JARID2: variants seen among roughly 807,000 people sequenced by gnomAD.
The protein encoded by JARID2 is jumonji and AT-rich interaction domain containing 2, also known as protein Jumonji.
In JARID2, 21 loss-of-function variants were observed where a neutral mutation model predicts 125.6. The ratio of observed to expected loss-of-function variants is 0.17; its 90% CI spans 0.12 to 0.24. The LOEUF (loss-of-function observed/expected upper bound fraction) is 0.24, where lower values mean the gene tolerates loss of function less well. Among genes scored for constraint, JARID2 ranks in the 10% least tolerant of loss-of-function variants. The pLI is 1.00. For synonymous variants in JARID2, 736 were observed against 661.6 expected (o/e 1.11, Z -1.73); for missense variants, 1,303 against 1,639.6 (o/e 0.79, Z 3.55).
chr6:15,377,365 C>G (rs973701425), intron 2 of JARID2, among the ~76,000 whole-genome samples: 3 of 152,154 alleles, frequency 2.0e-5, no homozygotes, highest in Admixed American at 1.3e-4. Context: ...CCCCATGATT[C>G]AATTACCTCC....
intron 2 of JARID2, among the ~76,000 whole-genome samples, chr6:15,393,256 G>T (rs1005575041): frequency 7.9e-5 from 12 of 152,200 alleles, no homozygotes; most frequent in African/African-American, 2.7e-4. Context: ...GGCAATGTTA[G>T]AATATGTTTG....
chr6:15,404,059 C>G (rs1278521240), intron 2 of JARID2, among the ~76,000 whole-genome samples: 1 of 152,182 alleles, frequency 6.6e-6, no homozygotes, highest in African/African-American at 2.4e-5. Context: ...AGGTATGAAA[C>G]CACTTTCATT....
At chr6:15,468,277 G>GT (rs987227263) in intron 4 of JARID2, among the ~76,000 whole-genome samples, 5 of 144,882 alleles carry the variant, frequency 3.5e-5, no homozygotes, top group East Asian at 4.1e-4. Flanking sequence ...GGAGGTGTTT[G>GT]TTTTTTTTCT....
chr6:15,502,188 C>T (rs1355819481), intron 8 of JARID2, among the ~76,000 whole-genome samples: 1 of 152,252 alleles, frequency 6.6e-6, no homozygotes, highest in Non-Finnish European at 1.5e-5. Context: ...GAGACTCGCC[C>T]CTCCAAGAAG....
chr6:15,442,593 C>T (rs1210712926), intron 3 of JARID2, among the ~76,000 whole-genome samples: 1 of 152,188 alleles, frequency 6.6e-6, no homozygotes, highest in Admixed American at 6.5e-5. Flanking sequence ...GGAGTTGTAT[C>T]CCTCATAACA....
chr6:15,423,984 G>C (rs1322370731), intron 3 of JARID2, among the ~76,000 whole-genome samples: 1 of 152,072 alleles, frequency 6.6e-6, no homozygotes, highest in East Asian at 1.9e-4. Flanking sequence ...CCTTTCTCTA[G>C]TGGTCAGGCT....
At chr6:15,328,975 C>G (rs1483048376) in intron 1 of JARID2, among the ~76,000 whole-genome samples, 1 of 152,156 alleles carries the variant, frequency 6.6e-6, no homozygotes, top group Non-Finnish European at 1.5e-5. Flanking sequence ...CCAGAGAGAT[C>G]TTCAAATGTA....
chr6:15,317,914 T>G (rs1762230334), intron 1 of JARID2, among the ~76,000 whole-genome samples: 1 of 152,218 alleles, frequency 6.6e-6, no homozygotes, highest in African/African-American at 2.4e-5. Context: ...CTGTGTTTGT[T>G]GCTGGCCAGC....
At chr6:15,374,341 T>C (rs1764273386) in intron 2 of JARID2, 89 bp downstream of exon 2, 2 of 1,414,238 alleles carry the variant, frequency 1.4e-6, no homozygotes, top group African/African-American at 2.8e-5. Flanking sequence ...TGGCAGCTTG[T>C]GCTTCCTGGT....
At chr6:15,342,374 A>T (rs568417793) in intron 1 of JARID2, among the ~76,000 whole-genome samples, 2 of 152,284 alleles carry the variant, frequency 1.3e-5, no homozygotes, top group African/African-American at 4.8e-5. Context: ...CAAGGGTGGA[A>T]ACCTGGGGCA....
At chr6:15,247,581 C>T in intron 1 of JARID2, 1 of 983,136 alleles carries the variant, frequency 1.0e-6, no homozygotes, top group Non-Finnish European at 1.2e-6. Context: ...AGGAATAATG[C>T]AACGTAAGAG....
chr6:15,263,750 G>A (rs573918659), intron 1 of JARID2, among the ~76,000 whole-genome samples: 2 of 152,120 alleles, frequency 1.3e-5, no homozygotes, highest in South Asian at 2.1e-4. Context: ...CCGCCACCAC[G>A]CCTGGCTAAT....
intron 9 of JARID2, among the ~76,000 whole-genome samples, chr6:15,505,794 G>A (rs1040443927): frequency 2.0e-5 from 3 of 152,268 alleles, no homozygotes; most frequent in African/African-American, 7.2e-5. Flanking sequence ...CACCAGCCAC[G>A]ATGTCAGCTG....
intron 16 of JARID2, among the ~76,000 whole-genome samples, 167 bp from the exon 17 acceptor site, chr6:15,516,994 C>T (rs1157243647): frequency 2.0e-5 from 3 of 152,150 alleles, no homozygotes; most frequent in Non-Finnish European, 4.4e-5. Flanking sequence ...AGTCCATTTC[C>T]AGCATTTCCA....
rs148946727 is a variant in JARID2 at position 15,494,733 on chromosome 6, G to T, written c.907-1399G>T. ...CATGCCCCACCCCCACTTAAGGGGG[G>T]TCCTGGGCCAGGCCTAGGTTTAGTA... On this transcript the variant is annotated intron_variant, in intron 6 of 17. Coordinates refer to ENST00000341776, the MANE Select transcript of JARID2 (RefSeq NM_004973.4). Among the ~76,000 whole-genome samples, 24 of 152,270 alleles carry T rather than the reference G, an allele frequency of 1.6e-4. No individual in the cohort carries two copies. The East Asian group carries it at 4.5e-3, about 28-fold the overall frequency.
intron 4 of JARID2, among the ~76,000 whole-genome samples, chr6:15,453,229 A>ATT (rs1210978678): frequency 1.7e-3 from 255 of 152,322 alleles, no homozygotes; most frequent in African/African-American, 5.9e-3. Context: ...TTAGAGCAAA[A>ATT]GGACCCAGTT....
At chr6:15,499,899 C>A (rs907092243) in intron 7 of JARID2, among the ~76,000 whole-genome samples, 1 of 152,102 alleles carries the variant, frequency 6.6e-6, no homozygotes, top group South Asian at 2.1e-4. Context: ...GTGGTTCAGA[C>A]GCTTCACCTA....
At chr6:15,281,030 C>A (rs540530869) in intron 1 of JARID2, among the ~76,000 whole-genome samples, 1 of 152,116 alleles carries the variant, frequency 6.6e-6, no homozygotes, top group Non-Finnish European at 1.5e-5. Context: ...GGTATCACAC[C>A]GTGCCGTCAT....
At chr6:15,300,683 TTGTGTGTGTGTGTGTG>T (rs35433395) in intron 1 of JARID2, among the ~76,000 whole-genome samples, 47 of 114,490 alleles carry the variant, frequency 4.1e-4, no homozygotes, top group Non-Finnish European at 5.3e-4. Context: ...TGTCCTCATG[TTGTGTGTGTGTGTGTG>T]TGTGTGTGTG....
Sources: gnomAD v4.1 joint callset for allele counts (sites outside exome capture counted in the v4.1 genomes callset) on GRCh38, gnomAD v4.1.1 for gene constraint, MANE v1.5 for transcripts, NCBI Gene and HGNC (gene_info 2026-07-23, HGNC 2026-07-21) for gene names.